The following UBQLN1 variants were observed in gnomAD, a reference collection of about 807,000 sequenced individuals.
UBQLN1 encodes the protein ubiquilin-1.
Under a neutral mutation model 65.4 loss-of-function variants are expected in UBQLN1, and 13 were observed. That is an observed-to-expected ratio of 0.20 (90% confidence interval 0.13 to 0.32). UBQLN1 has a LOEUF of 0.32. Ranked by LOEUF, UBQLN1 falls within the 10% of genes least tolerant of loss-of-function variation. The probability of loss-of-function intolerance (pLI) is 1.00; values close to 1 mark genes in which losing one functional copy is unlikely to be tolerated. For missense variants in UBQLN1, 561 were observed against 724.0 expected, an observed-to-expected ratio of 0.77 and a Z score of 2.58; for synonymous variants, 267 against 247.8, an observed-to-expected ratio of 1.08 and a Z score of -0.73.
At chr9:83,690,996 G>A (rs1276045464) in intron 1 of UBQLN1, among the ~76,000 whole-genome samples, 1 of 151,864 alleles carries the variant, frequency 6.6e-6, no homozygotes, top group Non-Finnish European at 1.5e-5. Context: ...AAATTAGCCA[G>A]GCATCGTGGC....
intron 1 of UBQLN1, among the ~76,000 whole-genome samples, chr9:83,695,963 C>CG (rs1832205954): frequency 6.6e-6 from 1 of 150,748 alleles, no homozygotes; most frequent in Non-Finnish European, 1.5e-5. Context: ...TTTTTTGAGT[C>CG]GGAGTCTCAC....
intron 1 of UBQLN1, among the ~76,000 whole-genome samples, chr9:83,693,491 G>C (rs553296592): frequency 4.9e-4 from 75 of 151,734 alleles, no homozygotes; most frequent in African/African-American, 1.7e-3. Context: ...AGACTGTCAA[G>C]TTCTTGTCTT....
chr9:83,678,387 T>C, intron 5 of UBQLN1, 54 bp downstream of exon 5: 1 of 1,549,660 alleles, frequency 6.5e-7, no homozygotes. Flanking sequence ...ATACACATAT[T>C]TGTGTTAAAA....
At position 83,660,141 on chromosome 9, in the gene UBQLN1, C is replaced by T. The variant is rs1195033943; in HGVS notation, c.*1646G>A. On this transcript the variant is annotated 3_prime_UTR_variant, in exon 11 of 11. Transcript: ENST00000376395. ...ATACCCTTCTTAACAATCTCTTCTA[C>T]TTATGCCTCCACCGTAACCTTTGTA... The T allele has an allele frequency of 6.6e-6, 1 of 152,468 alleles. No homozygotes were observed. Among genetic ancestry groups the T allele is most frequent in the African/African-American group, 2.4e-5 (1 of 41,446 alleles). 9.4% of individuals were successfully genotyped at this position (152,468 alleles called of 1,614,324 possible).
intron 1 of UBQLN1, among the ~76,000 whole-genome samples, chr9:83,687,316 C>G (rs188157294): frequency 6.6e-6 from 1 of 152,344 alleles, no homozygotes; most frequent in East Asian, 1.9e-4. Flanking sequence ...GAAACACTTA[C>G]TTATACTATT....
intron 6 of UBQLN1, among the ~76,000 whole-genome samples, chr9:83,676,290 T>C (rs1831830813): frequency 6.6e-6 from 1 of 152,242 alleles, no homozygotes; most frequent in African/African-American, 2.4e-5. Flanking sequence ...TAACATGAAA[T>C]GTTAAAGTAT....
rs1025065435 is a variant in UBQLN1 at position 83,660,143 on chromosome 9, T to A, written c.*1644A>T. 6.6e-6 allele frequency: 1 copy of A among 152,508 alleles called. No homozygotes were observed. The highest frequency in any genetic ancestry group is 1.5e-5 in the Non-Finnish European group (1 of 68,046). The allele number at this position is 152,508 out of a possible 1,614,324, so 9.4% of individuals were successfully genotyped here. A position where few individuals can be genotyped will look rare whatever the true frequency, so the allele number is the denominator to read the frequency against. On this transcript the variant is annotated 3_prime_UTR_variant, in exon 11 of 11. Transcript: ENST00000376395. The stretch of plus-strand genomic sequence containing the variant: ...ACCCTTCTTAACAATCTCTTCTACT[T>A]ATGCCTCCACCGTAACCTTTGTACT...
chr9:83,671,185 T>TC (rs771841039), intron 6 of UBQLN1, among the ~76,000 whole-genome samples: 2 of 152,084 alleles, frequency 1.3e-5, no homozygotes, highest in African/African-American at 2.4e-5. Context: ...TACAGTCCCC[T>TC]CCTCCATAGA....
rs1330899567 is a variant in UBQLN1 at position 83,669,306 on chromosome 9, C to T, written c.1127G>A (p.Gly376Glu). Residue 376 changes from glycine to glutamate, a missense_variant, in exon 7 of 11, where the codon GGA becomes GAA. This residue lies in a region of UBQLN1 where 102 missense variants were observed against 150.7 expected (regional missense o/e 0.68). Coordinates refer to ENST00000376395, the MANE Select transcript of UBQLN1 (RefSeq NM_013438.5). The stretch of plus-strand genomic sequence containing the variant: ...TATTTGTTGCAACAAGCTCTGCATT[C>T]CTGGTGTGTTGAACATACTAGCTGA... Reference protein sequence around the residue: ...GVGASMFNTPGMQSLLQQITE... With the variant: ...GVGASMFNTPEMQSLLQQITE... 1.2e-6 allele frequency: 2 copies of T among 1,607,838 alleles called. No homozygotes were observed. Among genetic ancestry groups the T allele is most frequent in the South Asian group, 1.1e-5 (1 of 89,498 alleles).
chr9:83,685,962 T>C, intron 2 of UBQLN1, 42 bp downstream of exon 2: 2 of 1,544,882 alleles, frequency 1.3e-6, no homozygotes, highest in Middle Eastern at 1.7e-4. Context: ...AGTACGAACA[T>C]TTATCCACAA....
chr9:83,684,487 G>A (rs72618136), intron 2 of UBQLN1, among the ~76,000 whole-genome samples: 40,416 of 151,674 alleles, frequency 0.27, 6,573 homozygotes, highest in East Asian at 0.8. Context: ...GAGCCACCGC[G>A]CCTGGCCTGA....
At chr9:83,698,045 A>G (rs573504377) in intron 1 of UBQLN1, among the ~76,000 whole-genome samples, 1 of 152,096 alleles carries the variant, frequency 6.6e-6, no homozygotes, top group Non-Finnish European at 1.5e-5. Flanking sequence ...CAGCATCTTC[A>G]TTTTTTAAAA....
rs111470483 is a variant in UBQLN1 at position 83,660,392 on chromosome 9, C to A, written c.*1395G>T. The stretch of plus-strand genomic sequence containing the variant: ...TAAGAGAATACTGAACCAGAGTCAG[C>A]CAAATGTATCACTGACCCTCAATTA... On this transcript the variant is annotated 3_prime_UTR_variant, in exon 11 of 11. Coordinates refer to ENST00000376395, the MANE Select transcript of UBQLN1 (RefSeq NM_013438.5). 4.6e-5 allele frequency: 7 copies of A among 152,684 alleles called. No homozygotes were observed. Among genetic ancestry groups the A allele is most frequent in the African/African-American group, 1.7e-4 (7 of 41,544 alleles). The allele number at this position is 152,684 out of a possible 1,614,324, so 9.5% of individuals were successfully genotyped here. A position where few individuals can be genotyped will look rare whatever the true frequency, so the allele number is the denominator to read the frequency against.
rs893451426 is a variant in UBQLN1, at chr9:83,669,242, G to A, written c.1191C>T (p.Ala397=). Reference sequence around the variant, plus strand: ...ACTGCATCATGCTTCTCATGTAGGGGGCAGACAACATGTTTTGCATCAGTT... The same window carrying A: ...ACTGCATCATGCTTCTCATGTAGGGAGCAGACAACATGTTTTGCATCAGTT... ...NPQLMQNMLS[A]PYMRSMMQSL... is the part of the protein sequence containing the mutation. The change falls in exon 7 of 11, where the codon GCC becomes GCT. Residue 397 remains alanine, a synonymous_variant. Coordinates refer to ENST00000376395, the MANE Select transcript of UBQLN1 (RefSeq NM_013438.5). 6.2e-7 allele frequency: 1 copy of A among 1,612,266 alleles called. No homozygotes were observed. The highest frequency in any genetic ancestry group is 8.5e-7 in the Non-Finnish European group (1 of 1,179,744).
At chr9:83,700,481 A>C (rs1322651035) in intron 1 of UBQLN1, among the ~76,000 whole-genome samples, 1 of 152,252 alleles carries the variant, frequency 6.6e-6, no homozygotes, top group Non-Finnish European at 1.5e-5. Flanking sequence ...GTGAACAATC[A>C]CAGCCCCTCT....
chr9:83,668,732 C>T (rs1831683071), intron 7 of UBQLN1: 1 of 729,546 alleles, frequency 1.4e-6, no homozygotes, highest in African/African-American at 1.9e-5. Context: ...ATTGTTCTGA[C>T]AAATTCCCGT....
intron 1 of UBQLN1, among the ~76,000 whole-genome samples, chr9:83,694,268 T>C (rs1832173585): frequency 6.6e-6 from 1 of 152,214 alleles, no homozygotes; most frequent in Non-Finnish European, 1.5e-5. Flanking sequence ...ATTCTCTAAA[T>C]AGTTATCTGA....
chr9:83,697,245 GT>G (rs71365322), intron 1 of UBQLN1, among the ~76,000 whole-genome samples: 59,806 of 140,544 alleles, frequency 0.43, 13,965 homozygotes, highest in African/African-American at 0.63. Flanking sequence ...GTATCTTCTG[GT>G]TTTTTTTTTT....
At chr9:83,665,223 T>C (rs1831625399) in intron 8 of UBQLN1, 78 bp from the exon 9 acceptor site, 88 of 1,102,446 alleles carry the variant, frequency 8.0e-5, no homozygotes, top group Non-Finnish European at 8.6e-5. Flanking sequence ...TTCTCTGTTA[T>C]GCTTCTGGAG....
Sources: allele counts gnomAD v4.1 joint callset (sites outside exome capture counted in the v4.1 genomes callset), GRCh38; gene constraint gnomAD v4.1.1; regional missense constraint gnomAD v4.1.1; transcripts MANE v1.5; gene names NCBI Gene and HGNC (gene_info 2026-07-23, HGNC 2026-07-21).